DCUN1D1: variants seen among roughly 807,000 people sequenced by gnomAD.
The protein encoded by DCUN1D1 is defective in cullin neddylation 1 domain containing 1.
DCUN1D1 carries 3 observed loss-of-function variants against 39.0 expected under a neutral mutation model. The observed-to-expected ratio is 0.08, with a 90% CI of 0.04 to 0.20. The LOEUF (loss-of-function observed/expected upper bound fraction) is 0.20, where lower values mean the gene tolerates loss of function less well. Among genes scored for constraint, DCUN1D1 ranks in the 10% least tolerant of loss-of-function variants. The pLI, the probability that DCUN1D1 is intolerant of heterozygous loss-of-function variation, is 1.00. For synonymous variants in DCUN1D1, 82 were observed against 96.3 expected (o/e 0.85, Z 0.87); for missense variants, 158 against 302.4 (o/e 0.52, Z 3.54).
At chr3:182,985,395 G>T (rs780763842), upstream of DCUN1D1, 1 of 152,394 alleles carries the variant, frequency 6.6e-6, no homozygotes, top group Admixed American at 6.5e-5. Flanking sequence ...TTGGGAGGCC[G>T]AGGCGGGCGG....
intron 1 of DCUN1D1, among the ~76,000 whole-genome samples, chr3:182,976,444 T>TAC (rs59465164): frequency 0.083 from 11,604 of 140,570 alleles, 601 homozygotes; most frequent in African/African-American, 0.16. Context: ...TATACATACA[T>TAC]ACACACACAC....
In DCUN1D1 at chr3:182,940,157, C is replaced by A. The variant is rs1726072387; in HGVS notation, c.*4937G>T. 6.6e-6 allele frequency: 1 copy of A among 152,098 alleles called. No individual in the cohort carries two copies. Among genetic ancestry groups the A allele is most frequent in the South Asian group, 2.1e-4 (1 of 4,824 alleles). The allele number at this position is 152,098 out of a possible 1,614,324, so 9.4% of individuals were successfully genotyped here. A position where few individuals can be genotyped will look rare whatever the true frequency, so the allele number is the denominator to read the frequency against. On this transcript the variant is annotated 3_prime_UTR_variant, in exon 7 of 7. Coordinates refer to ENST00000292782, the MANE Select transcript of DCUN1D1 (RefSeq NM_020640.4). ...TAATTGGTCTTCCCCCAACCTTATG[C>A]CCTATAGTATTTCTTTTTGTAAAAA...
intron 1 of DCUN1D1, chr3:182,980,133 G>A (rs1577208200): frequency 3.2e-6 from 3 of 935,624 alleles, no homozygotes; most frequent in African/African-American, 3.6e-5. Flanking sequence ...GAGGGGCAGG[G>A]GCAAGGCCGT....
intron 1 of DCUN1D1, among the ~76,000 whole-genome samples, chr3:182,969,593 G>C (rs1414408459): frequency 1.3e-5 from 2 of 152,130 alleles, no homozygotes; most frequent in African/African-American, 4.8e-5. Context: ...ATAAACTAGA[G>C]TAATAATTAA....
chr3:182,963,611 T>C (rs896930303), intron 3 of DCUN1D1, among the ~76,000 whole-genome samples: 2 of 152,242 alleles, frequency 1.3e-5, no homozygotes, highest in African/African-American at 2.4e-5. Context: ...CACTTTTCCA[T>C]AGTAAATATT....
intron 1 of DCUN1D1, among the ~76,000 whole-genome samples, chr3:182,971,946 G>A (rs999824943): frequency 5.9e-5 from 9 of 151,716 alleles, no homozygotes; most frequent in African/African-American, 2.2e-4. Context: ...TAATGGAAAA[G>A]TAGTCAAATG....
chr3:182,965,404 A>G, intron 2 of DCUN1D1, 133 bp downstream of exon 2: 1 of 510,392 alleles, frequency 2.0e-6, no homozygotes, highest in Non-Finnish European at 3.5e-6. Context: ...TCTTGAAATA[A>G]CTCTAAGATC....
At chr3:182,980,599 T>G, upstream of DCUN1D1, 1 of 1,092,700 alleles carries the variant, frequency 9.2e-7, no homozygotes, top group Non-Finnish European at 1.1e-6. Flanking sequence ...TCATGCGCAG[T>G]GCGGGGCGGC....
At chr3:182,971,159 G>A (rs1727915945) in intron 1 of DCUN1D1, among the ~76,000 whole-genome samples, 2 of 152,176 alleles carry the variant, frequency 1.3e-5, no homozygotes, top group African/African-American at 4.8e-5. Context: ...ATCTTTCTGT[G>A]CTTCAATTTC....
intron 1 of DCUN1D1, among the ~76,000 whole-genome samples, chr3:182,972,061 T>G (rs141669949): frequency 0.025 from 3,716 of 147,688 alleles, 170 homozygotes; most frequent in African/African-American, 0.094. Context: ...TTTTTTTTTT[T>G]TTTTTTTTTT....
intron 1 of DCUN1D1, among the ~76,000 whole-genome samples, chr3:182,966,512 A>C (rs146552039): frequency 6.6e-6 from 1 of 152,168 alleles, no homozygotes; most frequent in East Asian, 1.9e-4. Flanking sequence ...ACTTCTTCTC[A>C]GAGAGGGGAA....
rs1057949 is a variant in DCUN1D1, at chr3:182,944,164, C to T, written c.*930G>A. 73,784 of 152,174 alleles carry T rather than the reference C, an allele frequency of 0.48. 22,248 individuals are homozygous for T. Among genetic ancestry groups the T allele is most frequent in the Non-Finnish European group, 0.67 (45,335 of 67,896 alleles). The allele number at this position is 152,174 out of a possible 1,614,324, so 9.4% of individuals were successfully genotyped here. A position where few individuals can be genotyped will look rare whatever the true frequency, so the allele number is the denominator to read the frequency against. On this transcript the variant is annotated 3_prime_UTR_variant, in exon 7 of 7. Coordinates refer to ENST00000292782, the MANE Select transcript of DCUN1D1 (RefSeq NM_020640.4). ...TGCGATGACAAAAAAAAAGTAAAAA[C>T]AAAACAAAAAAACCCTCATGCCTAA...
At chr3:182,973,019 G>T (rs557315716) in intron 1 of DCUN1D1, among the ~76,000 whole-genome samples, 55 of 151,966 alleles carry the variant, frequency 3.6e-4, no homozygotes, top group Non-Finnish European at 6.0e-4. Flanking sequence ...TCCAATCTGG[G>T]CAAGAAGAGC....
Position 182,942,277 on chromosome 3 carries a change from T to A in DCUN1D1, c.*2817A>T, listed in dbSNP as rs1425864880. On this transcript the variant is annotated 3_prime_UTR_variant, in exon 7 of 7. Transcript: ENST00000292782. Reference sequence around the variant, plus strand: ...CCAAAACATGCCATTACAATGCTCTTTCCATGAATAATTATTCTTCCTAGA... The same window carrying A: ...CCAAAACATGCCATTACAATGCTCTATCCATGAATAATTATTCTTCCTAGA... The A allele has an allele frequency of 6.6e-6, 1 of 152,140 alleles. No homozygotes were observed. Among genetic ancestry groups the A allele is most frequent in the African/African-American group, 2.4e-5 (1 of 41,442 alleles). The allele number at this position is 152,140 out of a possible 1,614,324, so 9.4% of individuals were successfully genotyped here.
intron 1 of DCUN1D1, among the ~76,000 whole-genome samples, chr3:182,973,974 C>T (rs551695349): frequency 1.8e-4 from 28 of 152,204 alleles, no homozygotes; most frequent in African/African-American, 6.7e-4. Flanking sequence ...GTCAAAAGGC[C>T]AGCCGCGCCC....
chr3:182,981,393 C>T (rs569073531), upstream of DCUN1D1, among the ~76,000 whole-genome samples: 1 of 152,268 alleles, frequency 6.6e-6, no homozygotes, highest in South Asian at 2.1e-4. Context: ...CTGCCCTGGG[C>T]GTTAAATCAA....
intron 1 of DCUN1D1, among the ~76,000 whole-genome samples, chr3:182,972,078 G>C (rs1727971823): frequency 6.8e-6 from 1 of 146,350 alleles, no homozygotes; most frequent in Non-Finnish European, 1.5e-5. Context: ...TTTTTGGTTG[G>C]GGGTAAGAAG....
intron 1 of DCUN1D1, among the ~76,000 whole-genome samples, chr3:182,971,477 G>T (rs911875298): frequency 6.6e-6 from 1 of 151,980 alleles, no homozygotes; most frequent in Non-Finnish European, 1.5e-5. Context: ...GGAGGCTGCG[G>T]TGGGAGGATC....
intron 1 of DCUN1D1, 119 bp downstream of exon 1, chr3:182,980,368 G>T: frequency 2.6e-6 from 2 of 757,764 alleles, no homozygotes; most frequent in Non-Finnish European, 3.2e-6. Context: ...CGGGACGGAG[G>T]CCGCGGGCCG....
Sources: gnomAD v4.1 joint callset for allele counts (sites outside exome capture counted in the v4.1 genomes callset) on GRCh38, gnomAD v4.1.1 for gene constraint, MANE v1.5 for transcripts, NCBI Gene and HGNC (gene_info 2026-07-23, HGNC 2026-07-21) for gene names.